PPP2R5E: variants seen among roughly 807,000 people sequenced by gnomAD.
PPP2R5E encodes the protein protein phosphatase 2 regulatory subunit B'epsilon, also known as serine/threonine-protein phosphatase 2A 56 kDa regulatory subunit epsilon isoform.
In PPP2R5E, 4 loss-of-function variants were observed where a neutral mutation model predicts 65.3. The ratio of observed to expected loss-of-function variants is 0.06; its 90% CI spans 0.03 to 0.14. The LOEUF (loss-of-function observed/expected upper bound fraction) is 0.14, where lower values mean the gene tolerates loss of function less well. Among genes scored for constraint, PPP2R5E ranks in the 10% least tolerant of loss-of-function variants. The pLI is 1.00. For synonymous variants in PPP2R5E, 183 were observed against 187.4 expected, an observed-to-expected ratio of 0.98 and a Z score of 0.19; for missense variants, 274 against 556.1, an observed-to-expected ratio of 0.49 and a Z score of 5.10.
intron 2 of PPP2R5E, among the ~76,000 whole-genome samples, chr14:63,518,261 T>C (rs1033676246): frequency 1.3e-5 from 2 of 151,824 alleles, no homozygotes; most frequent in African/African-American, 4.8e-5. Context: ...TGTTTGTTTA[T>C]TTATTGGTCT....
intron 2 of PPP2R5E, among the ~76,000 whole-genome samples, chr14:63,494,393 T>C (rs1283157642): frequency 6.6e-6 from 1 of 151,848 alleles, no homozygotes; most frequent in African/African-American, 2.4e-5. Flanking sequence ...ACCACCACAC[T>C]CGGCTAATTT....
chr14:63,484,080 C>CAAA (rs35786223), intron 2 of PPP2R5E, among the ~76,000 whole-genome samples: 1 of 134,226 alleles, frequency 7.5e-6, no homozygotes, highest in Non-Finnish European at 1.6e-5. Flanking sequence ...GAGACTCCAC[C>CAAA]AAAAAAAAAA....
rs1566669111 is a variant in PPP2R5E, at chr14:63,391,864, T to C, written c.907A>G (p.Ile303Val). The C allele has an allele frequency of 1.9e-6, 3 of 1,613,324 alleles. No homozygotes were observed. The highest frequency in any genetic ancestry group is 2.5e-6 in the Non-Finnish European group (3 of 1,179,342). ...GGCCAAAATTTCATTAACCCCCTAA[T>C]AACCTAAAATGAAAAGGAGAAAAAC... Reference protein sequence around the residue: ...EKDPSLTEPVIRGLMKFWPKT... With the variant: ...EKDPSLTEPVVRGLMKFWPKT... Residue 303 changes from isoleucine to valine, a missense_variant, in exon 10 of 14, where the codon ATT becomes GTT. By Grantham distance (29) the Ile-to-Val change is conservative (BLOSUM62 3). This residue lies in a region of PPP2R5E where 129 missense variants were observed against 254.9 expected (regional missense o/e 0.51). Coordinates refer to ENST00000337537, the MANE Select transcript of PPP2R5E (RefSeq NM_006246.5).
intron 2 of PPP2R5E, among the ~76,000 whole-genome samples, chr14:63,485,986 C>G (rs995826007): frequency 2.6e-5 from 4 of 151,570 alleles, no homozygotes; most frequent in African/African-American, 9.7e-5. Flanking sequence ...TGCGCTACTA[C>G]GCCCAGCTAA....
intron 3 of PPP2R5E, among the ~76,000 whole-genome samples, chr14:63,438,957 A>T (rs1888073654): frequency 6.6e-6 from 1 of 152,048 alleles, no homozygotes; most frequent in South Asian, 2.1e-4. Context: ...CTATAAACAC[A>T]GGGGCATATG....
intron 2 of PPP2R5E, among the ~76,000 whole-genome samples, chr14:63,506,659 G>A (rs1389708907): frequency 6.6e-6 from 1 of 152,106 alleles, no homozygotes; most frequent in Admixed American, 6.5e-5. Flanking sequence ...TGTTGGCAAA[G>A]ATGTAGAGAA....
intron 13 of PPP2R5E, among the ~76,000 whole-genome samples, chr14:63,378,829 T>C (rs555898341): frequency 1.2e-4 from 18 of 152,328 alleles, no homozygotes; most frequent in Middle Eastern, 3.4e-3. Context: ...ACTTCAAAAT[T>C]TGATCTGAAC....
chr14:63,522,091 G>A (rs1349667290), intron 2 of PPP2R5E, among the ~76,000 whole-genome samples: 38 of 151,484 alleles, frequency 2.5e-4, no homozygotes, highest in Non-Finnish European at 7.4e-5. Flanking sequence ...TTGCAGGCAC[G>A]CGCCGCCACG....
chr14:63,529,802 C>T (rs893178235), intron 2 of PPP2R5E, among the ~76,000 whole-genome samples: 1 of 152,176 alleles, frequency 6.6e-6, no homozygotes, highest in Non-Finnish European at 1.5e-5. Flanking sequence ...CTTATGAGAA[C>T]ATTCATTTGG....
chr14:63,434,475 C>T (rs1450310715), intron 3 of PPP2R5E, among the ~76,000 whole-genome samples: 1 of 152,114 alleles, frequency 6.6e-6, no homozygotes, highest in Non-Finnish European at 1.5e-5. Context: ...ACAACCTCCC[C>T]AAAAAGAAAA....
intron 2 of PPP2R5E, among the ~76,000 whole-genome samples, chr14:63,466,755 G>A (rs994554867): frequency 3.9e-5 from 6 of 152,020 alleles, no homozygotes; most frequent in South Asian, 2.1e-4. Context: ...GTGTACTTAC[G>A]TATGTATGTG....
intron 2 of PPP2R5E, among the ~76,000 whole-genome samples, chr14:63,512,077 GTAA>G (rs1892479375): frequency 1.3e-5 from 1 of 79,960 alleles, no homozygotes; most frequent in East Asian, 3.0e-4. Flanking sequence ...AGACTCTGCG[GTAA>G]AAAAAAAAAA....
intron 3 of PPP2R5E, among the ~76,000 whole-genome samples, chr14:63,426,523 T>C (rs949616597): frequency 1.3e-5 from 2 of 152,018 alleles, no homozygotes; most frequent in African/African-American, 4.8e-5. Context: ...AAAAGCTGTA[T>C]TAAAGCAAGA....
intron 2 of PPP2R5E, among the ~76,000 whole-genome samples, chr14:63,482,769 C>A (rs1375290312): frequency 6.6e-6 from 1 of 152,150 alleles, no homozygotes; most frequent in Non-Finnish European, 1.5e-5. Context: ...AGTCAGACAG[C>A]CCCTAGAAAA....
chr14:63,452,431 C>T (rs1311116918), intron 3 of PPP2R5E: 3 of 152,156 alleles, frequency 2.0e-5, no homozygotes, highest in African/African-American at 7.2e-5. Flanking sequence ...TATCTCTGGC[C>T]TCTCCCACTA....
At chr14:63,384,379 A>T in intron 12 of PPP2R5E, 65 bp downstream of exon 12, 1 of 1,547,748 alleles carries the variant, frequency 6.5e-7, no homozygotes, top group South Asian at 1.1e-5. Flanking sequence ...GGCACATAAT[A>T]AGGCTGAAGG....
intron 2 of PPP2R5E, among the ~76,000 whole-genome samples, chr14:63,465,380 G>T (rs1271137097): frequency 6.7e-6 from 1 of 148,482 alleles, no homozygotes; most frequent in Non-Finnish European, 1.5e-5. Context: ...TTGGAAGGCT[G>T]AGGCAGGAGG....
At chr14:63,506,983 C>T (rs1349227111) in intron 2 of PPP2R5E, among the ~76,000 whole-genome samples, 1 of 152,222 alleles carries the variant, frequency 6.6e-6, no homozygotes. Flanking sequence ...CTGACACATG[C>T]GACAACATGG....
intron 2 of PPP2R5E, among the ~76,000 whole-genome samples, chr14:63,487,026 T>C (rs551068904): frequency 1.3e-5 from 2 of 152,312 alleles, no homozygotes; most frequent in African/African-American, 2.4e-5. Flanking sequence ...GCACATAACA[T>C]GAATACAGCT....
Sources: allele counts gnomAD v4.1 joint callset (sites outside exome capture counted in the v4.1 genomes callset), GRCh38; gene constraint gnomAD v4.1.1; regional missense constraint gnomAD v4.1.1; transcripts MANE v1.5; gene names NCBI Gene and HGNC (gene_info 2026-07-23, HGNC 2026-07-21).